Variants in POLGARF observed in about 807,000 individuals in gnomAD.
POLGARF encodes the protein POLG alternative reading frame.
At chr15:89,332,613 C>CGGGGGGGGGGGGGGGGG in the POLGARF span, among the ~76,000 whole-genome samples, 1 of 60,434 alleles carries the variant, frequency 1.7e-5, no homozygotes, top group Non-Finnish European at 2.9e-5. Flanking sequence ...GGCAGGGGGG[C>CGGGGGGGGGGGGGGGGG]GGGGGGGTGT....
chr15:89,333,587 A>T, the POLGARF span: 1 of 1,605,880 alleles, frequency 6.2e-7, no homozygotes, highest in Non-Finnish European at 8.5e-7. Context: ...GCGGCTGCTG[A>T]GGCTGCTGTT....
the POLGARF span, chr15:89,330,334 A>G: frequency 1.5e-6 from 2 of 1,316,382 alleles, no homozygotes; most frequent in South Asian, 1.2e-5. Flanking sequence ...TCCACTCCAC[A>G]ACAACCACTG....
chr15:89,333,610 G>C, the POLGARF span: 464 of 1,598,622 alleles, frequency 2.9e-4, 2 homozygotes, highest in Non-Finnish European at 1.0e-5. Context: ...TGCTGCTGCT[G>C]CTGCTGCTGC....
the POLGARF span, chr15:89,333,052 G>A: frequency 2.7e-6 from 4 of 1,499,738 alleles, no homozygotes; most frequent in East Asian, 4.6e-5. Flanking sequence ...CTATTAAGCT[G>A]GGCCCCCATG....
At chr15:89,332,948 TA>T in the POLGARF span, 1 of 1,063,792 alleles carries the variant, frequency 9.4e-7, no homozygotes, top group Non-Finnish European at 1.3e-6. Context: ...GAGTCCCACA[TA>T]AACAGGGGTC....
the POLGARF span, chr15:89,333,545 C>A: frequency 4.3e-6 from 7 of 1,612,524 alleles, no homozygotes; most frequent in Middle Eastern, 1.7e-4. Context: ...ATGGGTTGTG[C>A]CGCAGCTGCC....
the POLGARF span, chr15:89,333,499 G>C: frequency 2.5e-6 from 4 of 1,612,724 alleles, no homozygotes; most frequent in Non-Finnish European, 3.4e-6. Context: ...CCGAAGATTT[G>C]CTCGTGCAGC....
chr15:89,332,925 C>T, the POLGARF span, among the ~76,000 whole-genome samples: 2 of 152,182 alleles, frequency 1.3e-5, no homozygotes, highest in Non-Finnish European at 2.9e-5. Context: ...CTGTGATCTT[C>T]CCACCAGAAA....
At chr15:89,333,090 A>G in the POLGARF span, 29 of 1,511,396 alleles carry the variant, frequency 1.9e-5, no homozygotes, top group Non-Finnish European at 2.4e-5. Context: ...CCCTGCCCCT[A>G]CTTACCAGGC....
the POLGARF span, chr15:89,333,588 G>T: frequency 1.9e-6 from 3 of 1,604,890 alleles, no homozygotes; most frequent in Non-Finnish European, 2.5e-6. Flanking sequence ...CGGCTGCTGA[G>T]GCTGCTGTTG....
the POLGARF span, among the ~76,000 whole-genome samples, chr15:89,330,744 A>G: frequency 2.6e-5 from 3 of 116,192 alleles, no homozygotes; most frequent in African/African-American, 1.2e-4. Flanking sequence ...AAAAAAAAAA[A>G]ATGACAAATG....
the POLGARF span, among the ~76,000 whole-genome samples, chr15:89,331,224 C>T: frequency 2.0e-5 from 3 of 152,310 alleles, no homozygotes; most frequent in South Asian, 2.1e-4. Flanking sequence ...AAAGAGGTTC[C>T]TAGTTTTAAA....
At chr15:89,333,567 G>A in the POLGARF span, 9 of 1,610,798 alleles carry the variant, frequency 5.6e-6, no homozygotes, top group Admixed American at 1.7e-5. Flanking sequence ...GCCCTCCGAG[G>A]ATAGCACTTG....
the POLGARF span, among the ~76,000 whole-genome samples, chr15:89,332,665 C>T: frequency 6.6e-6 from 1 of 152,004 alleles, no homozygotes; most frequent in African/African-American, 2.4e-5. Flanking sequence ...GCTAAATGTC[C>T]TATACTGCCT....
At chr15:89,333,595 G>GAGGC in the POLGARF span, 2 of 1,605,600 alleles carry the variant, frequency 1.2e-6, no homozygotes, top group South Asian at 1.1e-5. Context: ...TGAGGCTGCT[G>GAGGC]TTGCTGCTGC....
At chr15:89,333,362 G>T in the POLGARF span, 1 of 1,574,154 alleles carries the variant, frequency 6.4e-7, no homozygotes, top group Admixed American at 1.8e-5. Context: ...GGTTGTCCCC[G>T]TAGAGGGGCG....
chr15:89,333,280 G>C, the POLGARF span: 1 of 1,558,252 alleles, frequency 6.4e-7, no homozygotes, highest in Non-Finnish European at 8.7e-7. Flanking sequence ...AGCTGGGCCT[G>C]CAACAGCAAG....
At chr15:89,332,958 TCTAGTC>T in the POLGARF span, 2 of 1,142,830 alleles carry the variant, frequency 1.8e-6, no homozygotes, top group Non-Finnish European at 2.4e-6. Context: ...TAAACAGGGG[TCTAGTC>T]CTAATTCAAC....
the POLGARF span, among the ~76,000 whole-genome samples, chr15:89,332,791 G>T: frequency 3.9e-5 from 6 of 152,082 alleles, no homozygotes; most frequent in East Asian, 1.9e-4. Flanking sequence ...ATTAGGAGAG[G>T]GGGTAAAGGC....
Sources: allele counts gnomAD v4.1 joint callset (sites outside exome capture counted in the v4.1 genomes callset), GRCh38; gene constraint gnomAD v4.1.1; transcripts MANE v1.5; gene names NCBI Gene and HGNC (gene_info 2026-07-23, HGNC 2026-07-21).